The following LRRC7 variants were observed in gnomAD, a reference collection of about 807,000 sequenced individuals.
LRRC7 encodes the protein leucine rich repeat containing 7.
LRRC7 carries 23 observed loss-of-function variants against 175.7 expected under a neutral mutation model. The ratio of observed to expected loss-of-function variants is 0.13; its 90% CI spans 0.09 to 0.19. The LOEUF (loss-of-function observed/expected upper bound fraction) is 0.19, where lower values mean the gene tolerates loss of function less well. Among genes scored for constraint, LRRC7 ranks in the 10% least tolerant of loss-of-function variants. The pLI is 1.00. For synonymous variants in LRRC7, 685 were observed against 680.9 expected (o/e 1.01, Z -0.09); for missense variants, 1,354 against 1,904.7 (o/e 0.71, Z 5.38).
intron 2 of LRRC7, among the ~76,000 whole-genome samples, chr1:69,680,166 C>T (rs547270612): frequency 6.6e-6 from 1 of 152,228 alleles, no homozygotes; most frequent in East Asian, 1.9e-4. Flanking sequence ...AATTCTAGTG[C>T]TGCAAGCCAC....
At position 69,622,119 on chromosome 1, in the gene LRRC7, C is replaced by T. The variant is rs565976224; in HGVS notation, c.2+53478C>T. On this transcript the variant is annotated intron_variant, in intron 1 of 26. Coordinates refer to ENST00000651989, the MANE Select transcript of LRRC7 (RefSeq NM_001370785.2). ...TCTTCTGTCTTAACAATGCCTTATA[C>T]ATAACAGCTTTTAATTCTGTGTGAC... Among the ~76,000 whole-genome samples, 70 of 152,292 alleles carry T rather than the reference C, an allele frequency of 4.6e-4. 1 individual carries two copies. Among genetic ancestry groups the T allele is most frequent in the Non-Finnish European group, 2.4e-4 (16 of 68,020 alleles).
intron 7 of LRRC7, among the ~76,000 whole-genome samples, chr1:69,928,857 T>C (rs979111528): frequency 7.9e-5 from 12 of 152,230 alleles, no homozygotes; most frequent in African/African-American, 2.9e-4. Context: ...GGGATGACCT[T>C]GGTACCTCAG....
intron 18 of LRRC7, among the ~76,000 whole-genome samples, chr1:70,034,494 C>CA (rs1420509570): frequency 6.6e-6 from 1 of 152,156 alleles, no homozygotes; most frequent in African/African-American, 2.4e-5. Context: ...TCACATAGAA[C>CA]ACCTTTGAGT....
chr1:70,078,822 A>ACACACG (rs778566462), intron 24 of LRRC7, among the ~76,000 whole-genome samples: 2 of 111,996 alleles, frequency 1.8e-5, no homozygotes, highest in South Asian at 3.3e-4. Flanking sequence ...ACACACACAC[A>ACACACG]CGCACACACA....
chr1:69,633,056 G>C (rs1314269163), intron 1 of LRRC7, among the ~76,000 whole-genome samples: 1 of 151,856 alleles, frequency 6.6e-6, no homozygotes, highest in Non-Finnish European at 1.5e-5. Flanking sequence ...TTCTTTGTGG[G>C]ATAATATCTG....
At chr1:69,926,842 C>T (rs186358141) in intron 7 of LRRC7, among the ~76,000 whole-genome samples, 1 of 152,254 alleles carries the variant, frequency 6.6e-6, no homozygotes, top group East Asian at 1.9e-4. Context: ...GAATTTGATC[C>T]TGTCGTTATG....
At chr1:69,832,854 C>T (rs1353331720) in intron 5 of LRRC7, among the ~76,000 whole-genome samples, 1 of 152,106 alleles carries the variant, frequency 6.6e-6, no homozygotes, top group African/African-American at 2.4e-5. Flanking sequence ...CCTGTAATCC[C>T]AGCACTTTGG....
chr1:69,894,456 C>T (rs183314651), intron 7 of LRRC7, among the ~76,000 whole-genome samples: 1 of 152,244 alleles, frequency 6.6e-6, no homozygotes, highest in African/African-American at 2.4e-5. Flanking sequence ...AATTCATTTC[C>T]TCACATTTGT....
intron 4 of LRRC7, among the ~76,000 whole-genome samples, chr1:69,795,931 T>G (rs1382951659): frequency 1.3e-5 from 2 of 151,874 alleles, no homozygotes; most frequent in Non-Finnish European, 2.9e-5. Context: ...TGTTTTTTTC[T>G]TATTTTGTTT....
chr1:69,933,942 G>C (rs1647671236), intron 8 of LRRC7, among the ~76,000 whole-genome samples: 1 of 151,990 alleles, frequency 6.6e-6, no homozygotes, highest in Non-Finnish European at 1.5e-5. Context: ...TCTTACTTTT[G>C]CATTTGTTCT....
intron 23 of LRRC7, among the ~76,000 whole-genome samples, chr1:70,066,115 A>G (rs1368108456): frequency 1.3e-5 from 2 of 151,912 alleles, no homozygotes; most frequent in Non-Finnish European, 2.9e-5. Context: ...ATTTATTGCT[A>G]TGGCCAGACA....
At chr1:69,854,876 C>T (rs917653012) in intron 7 of LRRC7, among the ~76,000 whole-genome samples, 2 of 152,074 alleles carry the variant, frequency 1.3e-5, no homozygotes, top group African/African-American at 4.8e-5. Flanking sequence ...TGGTTCCCTG[C>T]CTTTAGCAGA....
intron 26 of LRRC7, among the ~76,000 whole-genome samples, chr1:70,118,443 A>G (rs1233850039): frequency 6.6e-6 from 1 of 152,192 alleles, no homozygotes; most frequent in Non-Finnish European, 1.5e-5. Context: ...TAAATGTGAT[A>G]GAAATCTGAA....
At chr1:69,977,175 G>A (rs565430368) in intron 8 of LRRC7, among the ~76,000 whole-genome samples, 2 of 152,218 alleles carry the variant, frequency 1.3e-5, no homozygotes, top group East Asian at 1.9e-4. Context: ...TCTTTTAAAT[G>A]TTTCCTGAAG....
chr1:69,830,251 C>G (rs1316664762), intron 5 of LRRC7, among the ~76,000 whole-genome samples: 1 of 151,710 alleles, frequency 6.6e-6, no homozygotes, highest in East Asian at 1.9e-4. Flanking sequence ...AATTACAGTA[C>G]ATCTATGGGG....
chr1:69,718,138 G>GAAAAGAAAGAA (rs772161376), intron 2 of LRRC7, among the ~76,000 whole-genome samples: 1 of 40,972 alleles, frequency 2.4e-5, no homozygotes, highest in Non-Finnish European at 4.2e-5. Flanking sequence ...AAGAAAGAAA[G>GAAAAGAAAGAA]AGAGAGAAAG....
chr1:69,837,806 T>C lies in LRRC7; in HGVS notation c.591-421T>C, dbSNP rs866437892. On this transcript the variant is annotated intron_variant, in intron 6 of 26. Transcript: ENST00000651989. ...GATATTTGTCATTGCCCAGTATTGA[T>C]GTAACCCTACTCATAATCAATATAT... Among the ~76,000 whole-genome samples the C allele has an allele frequency of 4.1e-4, 63 of 151,834 alleles. 1 individual carries two copies. The highest frequency in any genetic ancestry group is 1.6e-4 in the Non-Finnish European group (11 of 67,764).
chr1:69,960,205 G>T (rs1362255693), intron 8 of LRRC7, among the ~76,000 whole-genome samples: 1 of 152,042 alleles, frequency 6.6e-6, no homozygotes, highest in Non-Finnish European at 1.5e-5. Context: ...TCCTGGTTCA[G>T]TCTTGGGGGA....
At chr1:69,969,253 A>G (rs1651978348) in intron 8 of LRRC7, among the ~76,000 whole-genome samples, 1 of 152,234 alleles carries the variant, frequency 6.6e-6, no homozygotes. Context: ...AATAAATAGC[A>G]TGATTAATGG....
Sources: gnomAD v4.1 joint callset for allele counts (sites outside exome capture counted in the v4.1 genomes callset) on GRCh38, gnomAD v4.1.1 for gene constraint, MANE v1.5 for transcripts, NCBI Gene and HGNC (gene_info 2026-07-23, HGNC 2026-07-21) for gene names.